Variants in NSD3 observed in about 807,000 individuals in gnomAD.
NSD3 encodes nuclear receptor binding SET domain protein 3.
NSD3 carries 24 observed loss-of-function variants against 160.8 expected under a neutral mutation model. That is an observed-to-expected ratio of 0.15 (90% confidence interval 0.11 to 0.21). The LOEUF (loss-of-function observed/expected upper bound fraction) is 0.21, where lower values mean the gene tolerates loss of function less well. Among genes scored for constraint, NSD3 ranks in the 10% least tolerant of loss-of-function variants. The probability of loss-of-function intolerance (pLI) is 1.00; values close to 1 mark genes in which losing one functional copy is unlikely to be tolerated. For synonymous variants in NSD3, 520 were observed against 600.0 expected (o/e 0.87, Z 1.95); for missense variants, 1,157 against 1,735.9 (o/e 0.67, Z 5.93).
chr8:38,354,928 A>G (rs1810787970), intron 1 of NSD3, among the ~76,000 whole-genome samples: 1 of 152,200 alleles, frequency 6.6e-6, no homozygotes, highest in Non-Finnish European at 1.5e-5. Flanking sequence ...TTATGCCTCC[A>G]AATAATACAA....
intron 12 of NSD3, among the ~76,000 whole-genome samples, chr8:38,311,181 C>T (rs2956728): frequency 0.08 from 12,059 of 151,356 alleles, 809 homozygotes; most frequent in East Asian, 0.31. Flanking sequence ...CCCCAGTGTG[C>T]TAGGATTACA....
chr8:38,365,473 G>A (rs1477346936), intron 1 of NSD3, among the ~76,000 whole-genome samples: 1 of 152,062 alleles, frequency 6.6e-6, no homozygotes, highest in African/African-American at 2.4e-5. Flanking sequence ...GGGACGGGGG[G>A]CTGGATTCTT....
chr8:38,278,451 T>TG (rs1808663892), intron 21 of NSD3, 39 bp from the exon 22 acceptor site: 1 of 1,546,326 alleles, frequency 6.5e-7, no homozygotes, highest in Admixed American at 1.9e-5. Context: ...ACTCGAGTCA[T>TG]GGGGAAGAGA....
intron 1 of NSD3, among the ~76,000 whole-genome samples, chr8:38,371,630 T>A (rs375053935): frequency 3.9e-5 from 6 of 152,096 alleles, no homozygotes; most frequent in East Asian, 3.8e-4. Context: ...AATTCAAGGA[T>A]ACAATAAAAC....
At chr8:38,309,705 A>G (rs1012035859) in intron 12 of NSD3, among the ~76,000 whole-genome samples, 2 of 152,196 alleles carry the variant, frequency 1.3e-5, no homozygotes, top group East Asian at 1.9e-4. Flanking sequence ...GAAAAACAGA[A>G]TAAGTAAAAC....
intron 1 of NSD3, chr8:38,381,560 C>T (rs1811563737): frequency 7.5e-6 from 1 of 132,668 alleles, no homozygotes; most frequent in Non-Finnish European, 1.6e-5. Flanking sequence ...CTCCCCTGGC[C>T]CACCCCCCAA....
Position 38,288,609 on chromosome 8 carries a change from C to G in NSD3, c.3379G>C (p.Val1127Leu). Residue 1127 changes from valine to leucine, a missense_variant, in exon 19 of 24, where the codon GTG becomes CTG. This residue lies in a region of NSD3 where 222 missense variants were observed against 409.9 expected (regional missense o/e 0.54). Coordinates refer to ENST00000317025, the MANE Select transcript of NSD3 (RefSeq NM_023034.2). This position sits in a 1 kb window ranked among gnomAD's most constrained non-coding sequence, Gnocchi z 4.5. Reference protein sequence around the residue: ...RMLQYECHPQVCPAGDRCQNQ... With the variant: ...RMLQYECHPQLCPAGDRCQNQ... ...TGACAACGATCTCCAGCTGGGCACA[C>G]CTGCGGGTGGCATTCATACTGCAAC... The G allele has an allele frequency of 6.2e-7, 1 of 1,614,214 alleles. No homozygotes were observed. The highest frequency in any genetic ancestry group is 8.5e-7 in the Non-Finnish European group (1 of 1,180,046).
At chr8:38,374,364 G>GA (rs1811336205) in intron 1 of NSD3, among the ~76,000 whole-genome samples, 3 of 152,130 alleles carry the variant, frequency 2.0e-5, no homozygotes, top group Admixed American at 6.6e-5. Context: ...CACCTATGTA[G>GA]AAAAATACTT....
Position 38,288,848 on chromosome 8 carries a change from C to T in NSD3, c.3232-92G>A, listed in dbSNP as rs1470377115. The T allele has an allele frequency of 2.7e-5, 40 of 1,481,908 alleles. No homozygotes were observed. The highest frequency in any genetic ancestry group is 2.3e-4 in the Middle Eastern group (1 of 4,356). The allele number at this position is 1,481,908 out of a possible 1,614,324, so 91.8% of individuals were successfully genotyped here. The stretch of plus-strand genomic sequence containing the variant: ...ATCTAAAACATCCACGCTACTGCCT[C>T]GTGGTGCTACTCCGAGAAAGGTTGT... On this transcript the variant is annotated intron_variant, in intron 18 of 23. Coordinates refer to ENST00000317025, the MANE Select transcript of NSD3 (RefSeq NM_023034.2). The surrounding 1 kb of genome is among the most constrained non-coding windows in gnomAD (Gnocchi z 4.5).
intron 7 of NSD3, among the ~76,000 whole-genome samples, chr8:38,325,446 C>A (rs760365492): frequency 5.9e-5 from 9 of 152,166 alleles, no homozygotes; most frequent in Non-Finnish European, 1.0e-4. Flanking sequence ...CTAGTTAATA[C>A]TTAACTCTTT....
At chr8:38,323,402 C>T (rs1809837135) in intron 7 of NSD3, among the ~76,000 whole-genome samples, 2 of 152,072 alleles carry the variant, frequency 1.3e-5, no homozygotes, top group Non-Finnish European at 2.9e-5. Context: ...TTCTACGTTC[C>T]TGCTTAAGCA....
intron 15 of NSD3, among the ~76,000 whole-genome samples, chr8:38,298,445 C>T (rs1809206486): frequency 6.6e-6 from 1 of 152,096 alleles, no homozygotes; most frequent in Non-Finnish European, 1.5e-5. Context: ...CATGAGTTGC[C>T]ACTTCAGATG....
intron 14 of NSD3, among the ~76,000 whole-genome samples, chr8:38,302,141 C>G (rs1809291364): frequency 6.6e-6 from 1 of 152,130 alleles, no homozygotes. Flanking sequence ...TTTAAACACC[C>G]AATAACCAAG....
chr8:38,314,085 C>T (rs1028780166), intron 12 of NSD3, among the ~76,000 whole-genome samples: 6 of 152,172 alleles, frequency 3.9e-5, no homozygotes, highest in African/African-American at 1.4e-4. Flanking sequence ...ACAGATTAAA[C>T]AACTACGACT....
chr8:38,360,360 T>C (rs892705582), intron 1 of NSD3, among the ~76,000 whole-genome samples: 2 of 152,224 alleles, frequency 1.3e-5, no homozygotes, highest in Non-Finnish European at 2.9e-5. Flanking sequence ...ATATTAATTG[T>C]ATAAGCACTT....
intron 15 of NSD3, among the ~76,000 whole-genome samples, chr8:38,297,820 AT>A (rs1044718129): frequency 6.9e-4 from 104 of 150,300 alleles, no homozygotes; most frequent in South Asian, 2.1e-3. Flanking sequence ...GAGATTATTC[AT>A]TTTTTTTTTC....
At chr8:38,322,049 C>T (rs1173978470) in intron 7 of NSD3, among the ~76,000 whole-genome samples, 2 of 152,188 alleles carry the variant, frequency 1.3e-5, no homozygotes, top group South Asian at 2.1e-4. Flanking sequence ...GGACCACCTA[C>T]GTATTCCTTC....
intron 1 of NSD3, among the ~76,000 whole-genome samples, chr8:38,357,001 C>T (rs1380124560): frequency 1.3e-5 from 2 of 151,064 alleles, no homozygotes; most frequent in African/African-American, 4.9e-5. Context: ...CGCCGGTAAT[C>T]CCAGCTACTT....
chr8:38,326,338 G>C (rs1809911118), intron 7 of NSD3, among the ~76,000 whole-genome samples: 1 of 152,172 alleles, frequency 6.6e-6, no homozygotes, highest in Non-Finnish European at 1.5e-5. Flanking sequence ...ATAATGACAA[G>C]AGCTTTGGCA....
Sources: allele counts gnomAD v4.1 joint callset (sites outside exome capture counted in the v4.1 genomes callset), GRCh38; gene constraint gnomAD v4.1.1; regional missense constraint gnomAD v4.1.1; non-coding constraint Gnocchi (gnomAD v3.1); transcripts MANE v1.5; gene names NCBI Gene and HGNC (gene_info 2026-07-23, HGNC 2026-07-21).